Variants in MAGI2 observed in about 807,000 individuals in gnomAD.
The protein encoded by MAGI2 is membrane associated guanylate kinase, WW and PDZ domain containing 2.
Under a neutral mutation model 133.3 loss-of-function variants are expected in MAGI2, and 35 were observed. The ratio of observed to expected loss-of-function variants is 0.26; its 90% CI spans 0.20 to 0.35. MAGI2 has a LOEUF of 0.35. Ranked by LOEUF, MAGI2 falls within the 10% of genes least tolerant of loss-of-function variation. The probability of loss-of-function intolerance (pLI) is 1.00; values close to 1 mark genes in which losing one functional copy is unlikely to be tolerated. For synonymous variants in MAGI2, 729 were observed against 710.6 expected, an observed-to-expected ratio of 1.03 and a Z score of -0.41; for missense variants, 1,636 against 1,863.4, an observed-to-expected ratio of 0.88 and a Z score of 2.25.
intron 1 of MAGI2, among the ~76,000 whole-genome samples, chr7:79,407,772 T>G (rs1048896276): frequency 6.6e-6 from 1 of 152,076 alleles, no homozygotes; most frequent in Non-Finnish European, 1.5e-5. Context: ...ACATATTTCT[T>G]GTGAGAGCAA....
rs1376838869 is a variant in MAGI2, at chr7:78,018,451, C to G, written c.*864G>C. On this transcript the variant is annotated 3_prime_UTR_variant, in exon 22 of 22. Transcript: ENST00000354212. ...AAGCCTCTTCATAAAGGAACTGCAG[C>G]GTTGCCTATCTTGATTAAACAAATT... 3 of 152,158 alleles carry G rather than the reference C, an allele frequency of 2.0e-5. No homozygotes were observed. The highest frequency in any genetic ancestry group is 7.2e-5 in the African/African-American group (3 of 41,436). 9.4% of individuals were successfully genotyped at this position (152,158 alleles called of 1,614,324 possible).
chr7:78,843,799 C>T (rs489414), intron 2 of MAGI2, among the ~76,000 whole-genome samples: 95,573 of 150,654 alleles, frequency 0.63, 30,526 homozygotes, highest in East Asian at 0.73. Context: ...ATTTTTTAAA[C>T]GACAAAAATC....
At chr7:78,990,074 AT>A (rs2116314705) in intron 2 of MAGI2, among the ~76,000 whole-genome samples, 1 of 152,148 alleles carries the variant, frequency 6.6e-6, no homozygotes, top group East Asian at 1.9e-4. Context: ...TAACAACCAA[AT>A]TTATTGAACA....
At chr7:78,586,330 T>C (rs1468779304) in intron 3 of MAGI2, among the ~76,000 whole-genome samples, 1 of 152,158 alleles carries the variant, frequency 6.6e-6, no homozygotes, top group Admixed American at 6.5e-5. Context: ...ACTGTGGACT[T>C]AGAGCAGGAG....
At chr7:78,608,239 G>A (rs1416202852) in intron 3 of MAGI2, among the ~76,000 whole-genome samples, 1 of 151,984 alleles carries the variant, frequency 6.6e-6, no homozygotes, top group South Asian at 2.1e-4. Flanking sequence ...TGGAGTCATA[G>A]CATAACCCTT....
chr7:78,627,754 CATTTTTATTTGATTT>C (rs1431627874), intron 2 of MAGI2, among the ~76,000 whole-genome samples: 1 of 152,134 alleles, frequency 6.6e-6, no homozygotes, highest in African/African-American at 2.4e-5. Context: ...CACCCAGAGC[CATTTTTATTTGATTT>C]AAAGGATCGC....
At chr7:78,232,438 T>C (rs1790079321) in intron 10 of MAGI2, among the ~76,000 whole-genome samples, 1 of 152,204 alleles carries the variant, frequency 6.6e-6, no homozygotes, top group African/African-American at 2.4e-5. Context: ...GCAAGGCTAT[T>C]TGGGGAAACA....
intron 1 of MAGI2, among the ~76,000 whole-genome samples, chr7:79,421,615 C>G (rs1203383340): frequency 6.6e-6 from 1 of 151,856 alleles, no homozygotes; most frequent in Non-Finnish European, 1.5e-5. Context: ...ATCACATTGT[C>G]TACTTTTATA....
At chr7:78,987,587 A>G (rs796769391) in intron 2 of MAGI2, among the ~76,000 whole-genome samples, 18 of 152,196 alleles carry the variant, frequency 1.2e-4, no homozygotes, top group African/African-American at 4.3e-4. Flanking sequence ...TCAAGGTGCA[A>G]AAGAGACAAT....
chr7:78,264,694 T>C (rs1162984583), intron 9 of MAGI2, among the ~76,000 whole-genome samples: 1 of 152,190 alleles, frequency 6.6e-6, no homozygotes, highest in Non-Finnish European at 1.5e-5. Context: ...AATAGCTGTG[T>C]GATCTTGGGC....
intron 2 of MAGI2, among the ~76,000 whole-genome samples, chr7:78,871,749 A>G (rs1322923488): frequency 6.6e-6 from 1 of 152,096 alleles, no homozygotes. Context: ...AAGAGTTACC[A>G]TTTGCATGTA....
intron 12 of MAGI2, among the ~76,000 whole-genome samples, chr7:78,186,379 T>C (rs1827700459): frequency 6.6e-6 from 1 of 152,150 alleles, no homozygotes; most frequent in Non-Finnish European, 1.5e-5. Context: ...GACATGTTGC[T>C]CTCATACATG....
intron 2 of MAGI2, among the ~76,000 whole-genome samples, chr7:78,679,294 A>G (rs1402069574): frequency 6.6e-6 from 1 of 152,084 alleles, no homozygotes; most frequent in African/African-American, 2.4e-5. Flanking sequence ...TTGTACCATA[A>G]TTGTTTACAT....
chr7:78,664,430 T>C (rs141005539), intron 2 of MAGI2, among the ~76,000 whole-genome samples: 13 of 152,242 alleles, frequency 8.5e-5, no homozygotes, highest in Admixed American at 7.2e-4. Context: ...CTCCAAATTA[T>C]TGGCAGTCAT....
chr7:78,247,738 T>G (rs971734280), intron 10 of MAGI2, among the ~76,000 whole-genome samples: 2 of 152,058 alleles, frequency 1.3e-5, no homozygotes, highest in Admixed American at 1.3e-4. Flanking sequence ...TCTAGATCTT[T>G]TGAAATTACC....
chr7:78,605,952 C>T (rs902057212), intron 3 of MAGI2, among the ~76,000 whole-genome samples: 2 of 152,104 alleles, frequency 1.3e-5, no homozygotes, highest in South Asian at 2.1e-4. Flanking sequence ...GGACACTACT[C>T]GTTGGCGACC....
chr7:78,942,905 A>AG (rs1491312753), intron 2 of MAGI2, among the ~76,000 whole-genome samples: 89 of 148,762 alleles, frequency 6.0e-4, no homozygotes, highest in African/African-American at 2.2e-3. Context: ...AAAAAAAAAA[A>AG]CAAAAACATT....
At chr7:79,371,031 A>G (rs1843017686) in intron 1 of MAGI2, among the ~76,000 whole-genome samples, 1 of 152,100 alleles carries the variant, frequency 6.6e-6, no homozygotes, top group South Asian at 2.1e-4. Context: ...AAAAAAAAGG[A>G]ACATGATGCT....
At chr7:78,586,555 C>T (rs192502243) in intron 3 of MAGI2, among the ~76,000 whole-genome samples, 4 of 152,298 alleles carry the variant, frequency 2.6e-5, no homozygotes, top group Non-Finnish European at 4.4e-5. Flanking sequence ...CCAACTTCCA[C>T]CTTTTTTTCA....
Sources: allele counts gnomAD v4.1 joint callset (sites outside exome capture counted in the v4.1 genomes callset), GRCh38; gene constraint gnomAD v4.1.1; transcripts MANE v1.5; gene names NCBI Gene and HGNC (gene_info 2026-07-23, HGNC 2026-07-21).